The following DNAH14 variants were observed in gnomAD, a reference collection of about 807,000 sequenced individuals.
DNAH14 encodes the protein axonemal beta dynein heavy chain 14.
In DNAH14, 478 loss-of-function variants were observed where a neutral mutation model predicts 520.9. That is an observed-to-expected ratio of 0.92 (90% CI 0.85 to 0.99). The LOEUF is 0.99. DNAH14 is among the 50% of genes least tolerant of loss of function. The pLI, the probability that DNAH14 is intolerant of heterozygous loss-of-function variation, is 0.00. For synonymous variants in DNAH14, 1,581 were observed against 1,757.2 expected (o/e 0.90, Z 2.51); for missense variants, 4,831 against 5,234.5 (o/e 0.92, Z 2.38).
At chr1:225,117,632 A>G in intron 23 of DNAH14, 52 bp from the exon 24 acceptor site, 1 of 1,120,536 alleles carries the variant, frequency 8.9e-7, no homozygotes, top group South Asian at 1.4e-5. Flanking sequence ...GATGTAATTC[A>G]TATCATAATT....
At chr1:225,243,820 T>C (rs2092114822) in intron 43 of DNAH14, among the ~76,000 whole-genome samples, 1 of 152,020 alleles carries the variant, frequency 6.6e-6, no homozygotes, top group Non-Finnish European at 1.5e-5. Context: ...CTTCTCTTCC[T>C]ATCTTCATAC....
chr1:225,282,678 T>C (rs1574500684), intron 54 of DNAH14, among the ~76,000 whole-genome samples: 1 of 152,192 alleles, frequency 6.6e-6, no homozygotes, highest in African/African-American at 2.4e-5. Flanking sequence ...CTCAGAAAGA[T>C]GAGAGGGCTG....
intron 42 of DNAH14, among the ~76,000 whole-genome samples, chr1:225,239,675 T>C (rs961874840): frequency 6.6e-6 from 1 of 152,220 alleles, no homozygotes; most frequent in Non-Finnish European, 1.5e-5. Context: ...TTGTTTAGCA[T>C]TAATTTTCCT....
chr1:225,398,202 A>C (rs1427033040), intron 84 of DNAH14: 1 of 247,596 alleles, frequency 4.0e-6, no homozygotes, highest in Non-Finnish European at 7.8e-6. Flanking sequence ...TGTCCTAAAA[A>C]GCTCGGCTAC....
In DNAH14 at chr1:225,260,188, T is replaced by G. The variant is rs138766501; in HGVS notation, c.7157+935T>G. 5.0e-3 allele frequency among the ~76,000 whole-genome samples: 763 copies of G among 152,022 alleles called. 6 individuals are homozygous for G. The highest frequency in any genetic ancestry group is 0.017 in the African/African-American group (721 of 41,474). On this transcript the variant is annotated intron_variant, in intron 46 of 85. Transcript: ENST00000682510. ...CAACATGGTGAAACCCTGTCTCCAC[T>G]AAAAATACAAAAGATTAGCTGGATG... is the stretch of plus-strand genomic sequence containing the variant.
chr1:225,336,955 T>C (rs1196063079), intron 66 of DNAH14, among the ~76,000 whole-genome samples: 1 of 152,224 alleles, frequency 6.6e-6, no homozygotes, highest in African/African-American at 2.4e-5. Context: ...TTCTATATTG[T>C]ATGCGTTAGA....
Position 225,275,964 on chromosome 1 carries a change from C to A in DNAH14, c.8061C>A (p.Asp2687Glu). The change falls in exon 53 of 86, where the codon GAC (aspartate) becomes GAA (glutamate). Residue 2687 changes from aspartate (D) to glutamate (E), a missense_variant. Coordinates refer to ENST00000682510, the MANE Select transcript of DNAH14 (RefSeq NM_001367479.1). ...NLMNHSTVFL[D>E]FLDINKTHRK... ...TGAATCACTCAACTGTATTTTTGGA[C>A]TTCTTGGATATAAACAAGACTCATA... 1 of 398,722 alleles carries A rather than the reference C, an allele frequency of 2.5e-6. No homozygotes were observed. The highest frequency in any genetic ancestry group is 8.2e-5 in the East Asian group (1 of 12,256). The allele number at this position is 398,722 out of a possible 1,614,324, so 24.7% of individuals were successfully genotyped here.
In DNAH14 at chr1:224,952,792, TA is replaced by T. The variant is rs746158724; in HGVS notation, c.77+17del. ...AGACAAAACCAAGGTAAAAGTAAGATAAAATATAATGAGTTTTTTTCTAAAG... is the reference window on the plus strand; with the variant it reads ...AGACAAAACCAAGGTAAAAGTAAGATAAATATAATGAGTTTTTTTCTAAAG... On this transcript the variant is annotated intron_variant, in intron 2 of 85. Transcript: ENST00000682510. The T allele has an allele frequency of 7.7e-6, 12 of 1,557,792 alleles. No homozygotes were observed. The East Asian group carries it at 2.8e-4, about 36-fold the overall frequency.
At chr1:225,296,350 G>A (rs376792796) in intron 55 of DNAH14, among the ~76,000 whole-genome samples, 6 of 152,068 alleles carry the variant, frequency 3.9e-5, no homozygotes, top group African/African-American at 7.2e-5. Context: ...GTCAAACACC[G>A]TGCCTGGCCA....
chr1:225,248,299 G>A (rs1488138170), intron 43 of DNAH14, among the ~76,000 whole-genome samples: 2 of 152,080 alleles, frequency 1.3e-5, no homozygotes, highest in Non-Finnish European at 2.9e-5. Context: ...GATGAGCATA[G>A]AACTTGGTAA....
chr1:225,096,022 C>T (rs192755045), intron 21 of DNAH14, among the ~76,000 whole-genome samples: 4 of 152,086 alleles, frequency 2.6e-5, no homozygotes, highest in African/African-American at 4.8e-5. Context: ...GCTGGAGTGC[C>T]GTGGTGCAGT....
At chr1:225,250,681 G>T in intron 43 of DNAH14, 1 of 565,580 alleles carries the variant, frequency 1.8e-6, no homozygotes, top group Non-Finnish European at 3.3e-6. Flanking sequence ...GTCAGTCACA[G>T]GGCAGACGGA....
At chr1:225,190,308 A>G (rs1416682424) in intron 37 of DNAH14, among the ~76,000 whole-genome samples, 1 of 152,016 alleles carries the variant, frequency 6.6e-6, no homozygotes, top group Non-Finnish European at 1.5e-5. Context: ...TATTATATAT[A>G]CTGTATTCAC....
At chr1:225,270,443 C>T (rs980272312) in intron 49 of DNAH14, among the ~76,000 whole-genome samples, 1 of 152,060 alleles carries the variant, frequency 6.6e-6, no homozygotes, top group African/African-American at 2.4e-5. Flanking sequence ...GCACATTGTG[C>T]ACATGTACCC....
At chr1:225,065,304 AGCTAATTAACATATCCATCATC>A (rs1349464140) in intron 17 of DNAH14, among the ~76,000 whole-genome samples, 2 of 151,900 alleles carry the variant, frequency 1.3e-5, no homozygotes, top group African/African-American at 4.8e-5. Context: ...GGAATAATTA[AGCTAATTAACATATCCATCATC>A]TCAAATACTT....
intron 52 of DNAH14, among the ~76,000 whole-genome samples, chr1:225,274,194 GTTATTTTTTTTT>G (rs1213797849): frequency 1.5e-4 from 18 of 120,330 alleles, no homozygotes; most frequent in African/African-American, 5.4e-4. Flanking sequence ...ACCAGCATCT[GTTATTTTTTTTT>G]TTTTTTTTTT....
At chr1:225,240,519 T>C in intron 42 of DNAH14, 74 bp from the exon 43 acceptor site, 1 of 885,678 alleles carries the variant, frequency 1.1e-6, no homozygotes, top group Non-Finnish European at 1.7e-6. Context: ...TAACATTATA[T>C]TAAAGTAAAT....
chr1:225,024,341 A>C (rs978731444), intron 11 of DNAH14: 1 of 825,006 alleles, frequency 1.2e-6, no homozygotes, highest in African/African-American at 1.8e-5. Context: ...TTCCCAATGA[A>C]AAAACTATCT....
intron 41 of DNAH14, among the ~76,000 whole-genome samples, chr1:225,223,208 A>G (rs1339775037): frequency 6.6e-6 from 1 of 152,216 alleles, no homozygotes; most frequent in African/African-American, 2.4e-5. Context: ...CTGCCCGGTA[A>G]TGCAAGATCG....
Sources: gnomAD v4.1 joint callset for allele counts (sites outside exome capture counted in the v4.1 genomes callset) on GRCh38, gnomAD v4.1.1 for gene constraint, MANE v1.5 for transcripts, NCBI Gene and HGNC (gene_info 2026-07-23, HGNC 2026-07-21) for gene names.